The following FKTN variants were observed in gnomAD, a reference collection of about 807,000 sequenced individuals.
FKTN encodes ribitol-5-phosphate transferase FKTN.
In FKTN, 47 loss-of-function variants were observed where a neutral mutation model predicts 58.6. The observed-to-expected ratio is 0.80, with a 90% CI of 0.63 to 1.02. The LOEUF is 1.02. Among genes scored for constraint, FKTN ranks in the 50% least tolerant of loss-of-function variants. The pLI is 0.00. For missense variants in FKTN, 516 were observed against 537.3 expected (o/e 0.96, Z 0.39); for synonymous variants, 178 against 191.9 (o/e 0.93, Z 0.60).
chr9:105,569,251 C>A (rs1037327584), intron 1 of FKTN, among the ~76,000 whole-genome samples: 2 of 152,018 alleles, frequency 1.3e-5, no homozygotes, highest in Non-Finnish European at 2.9e-5. Context: ...AACAAACCTG[C>A]ATGTTGTGCA....
chr9:105,606,345 A>G (rs1828886383), intron 6 of FKTN, among the ~76,000 whole-genome samples: 1 of 152,044 alleles, frequency 6.6e-6, no homozygotes, highest in Admixed American at 6.6e-5. Flanking sequence ...TAATAAAAAT[A>G]TTTCTTGTGA....
At chr9:105,616,651 A>G (rs1179371602) in intron 8 of FKTN, among the ~76,000 whole-genome samples, 1 of 152,126 alleles carries the variant, frequency 6.6e-6, no homozygotes, top group Non-Finnish European at 1.5e-5. Flanking sequence ...CTTTTTCTTT[A>G]TAGTAACCAT....
intron 10 of FKTN, among the ~76,000 whole-genome samples, chr9:105,622,636 G>A (rs1424788124): frequency 6.6e-6 from 1 of 151,982 alleles, no homozygotes; most frequent in Non-Finnish European, 1.5e-5. Flanking sequence ...GCTTTTGACT[G>A]TTAATGGCAA....
At chr9:105,572,272 G>T (rs958232836) in intron 1 of FKTN, among the ~76,000 whole-genome samples, 19 of 151,102 alleles carry the variant, frequency 1.3e-4, no homozygotes, top group African/African-American at 4.4e-4. Context: ...GCTTTATATA[G>T]TCATCAGCTC....
chr9:105,561,702 T>G (rs998297618), intron 1 of FKTN, among the ~76,000 whole-genome samples: 2 of 152,210 alleles, frequency 1.3e-5, no homozygotes, highest in Admixed American at 1.3e-4. Flanking sequence ...TAGGTAGAAG[T>G]TATATTGCAA....
At chr9:105,608,363 A>T (rs934231787) in intron 7 of FKTN, among the ~76,000 whole-genome samples, 3 of 151,934 alleles carry the variant, frequency 2.0e-5, no homozygotes, top group Non-Finnish European at 4.4e-5. Flanking sequence ...ATTGAATATA[A>T]TTTTTTTTGC....
Position 105,598,284 on chromosome 9 carries a change from A to G in FKTN, c.165+1627A>G, listed in dbSNP as rs116732996. Reference sequence around the variant, plus strand: ...TGCAAAATCACAGGAAAGGAGAAGTACTAACATACTTCTAAACTTTTAGAA... The same window carrying G: ...TGCAAAATCACAGGAAAGGAGAAGTGCTAACATACTTCTAAACTTTTAGAA... On this transcript the variant is annotated intron_variant, in intron 4 of 10. Transcript: ENST00000357998. 1,063 of 331,044 alleles carry G rather than the reference A, an allele frequency of 3.2e-3. 14 individuals are homozygous for G. The highest frequency in any genetic ancestry group is 0.021 in the African/African-American group (976 of 45,402). The allele number at this position is 331,044 out of a possible 1,614,324, so 20.5% of individuals were successfully genotyped here.
chr9:105,590,749 G>C (rs770178141), intron 3 of FKTN, among the ~76,000 whole-genome samples: 2 of 152,168 alleles, frequency 1.3e-5, no homozygotes, highest in African/African-American at 2.4e-5. Flanking sequence ...AAGGTGCTAT[G>C]TTAATCTGTT....
intron 5 of FKTN, among the ~76,000 whole-genome samples, chr9:105,602,931 C>A (rs966910529): frequency 6.6e-6 from 1 of 152,138 alleles, no homozygotes; most frequent in African/African-American, 2.4e-5. Flanking sequence ...ATTGTTAGAT[C>A]TAATAATGAA....
chr9:105,599,089 T>C (rs987505436), intron 4 of FKTN, among the ~76,000 whole-genome samples: 2 of 152,170 alleles, frequency 1.3e-5, no homozygotes, highest in Non-Finnish European at 2.9e-5. Context: ...ATCAAAGATA[T>C]ATGAAGAACT....
Position 105,577,692 on chromosome 9 carries a change from C to T in FKTN, c.105+2555C>T, listed in dbSNP as rs1389487474. ...CCTATGAACTTTAAAGTAGTTTTTT[C>T]GAATTCTGTGAAGAAAGTCATTGGT... On this transcript the variant is annotated intron_variant, in intron 3 of 10. Transcript: ENST00000357998. Among the ~76,000 whole-genome samples the T allele has an allele frequency of 4.6e-5, 7 of 151,188 alleles. 1 individual carries two copies. The highest frequency in any genetic ancestry group is 2.1e-4 in the South Asian group (1 of 4,808).
chr9:105,565,950 T>C (rs1376384245), intron 1 of FKTN, among the ~76,000 whole-genome samples: 2 of 151,802 alleles, frequency 1.3e-5, no homozygotes, highest in Non-Finnish European at 2.9e-5. Context: ...ACAAACTGTC[T>C]CTCAGACCAC....
intron 4 of FKTN, among the ~76,000 whole-genome samples, chr9:105,596,956 C>T (rs1826920048): frequency 6.6e-6 from 1 of 152,154 alleles, no homozygotes; most frequent in South Asian, 2.1e-4. Flanking sequence ...CTAAAACCCA[C>T]ATTCACTGAG....
chr9:105,624,442 A>G (rs1448653053), intron 10 of FKTN: 1 of 152,002 alleles, frequency 6.6e-6, no homozygotes, highest in Non-Finnish European at 1.5e-5. Context: ...AGCTTGGGCA[A>G]CAGAATAAAC....
intron 1 of FKTN, among the ~76,000 whole-genome samples, chr9:105,569,058 A>G (rs1380042405): frequency 1.3e-5 from 2 of 152,174 alleles, no homozygotes; most frequent in Non-Finnish European, 1.5e-5. Context: ...CAAACATCGC[A>G]TGTTCTCACT....
chr9:105,604,549 T>C (rs1828519856), intron 6 of FKTN, 57 bp downstream of exon 6: 1 of 1,391,464 alleles, frequency 7.2e-7, no homozygotes, highest in Non-Finnish European at 1.0e-6. Context: ...TCATAATTCT[T>C]GCAGTGTTTT....
chr9:105,572,919 G>A (rs781589292), intron 1 of FKTN, among the ~76,000 whole-genome samples: 10 of 152,136 alleles, frequency 6.6e-5, no homozygotes, highest in East Asian at 5.8e-4. Flanking sequence ...TAGTTAAGGC[G>A]TAAATTATAT....
intron 9 of FKTN, among the ~76,000 whole-genome samples, chr9:105,618,693 G>A (rs986675957): frequency 1.3e-5 from 2 of 152,182 alleles, no homozygotes; most frequent in African/African-American, 4.8e-5. Flanking sequence ...TGATTCCTAT[G>A]CCCTAAGCCC....
chr9:105,611,838 T>G (rs1476688594), intron 7 of FKTN, among the ~76,000 whole-genome samples: 4 of 152,152 alleles, frequency 2.6e-5, no homozygotes, highest in African/African-American at 9.7e-5. Flanking sequence ...AGAGAATGAA[T>G]GATTTATATT....
Sources: gnomAD v4.1 joint callset for allele counts (sites outside exome capture counted in the v4.1 genomes callset) on GRCh38, gnomAD v4.1.1 for gene constraint, MANE v1.5 for transcripts, NCBI Gene and HGNC (gene_info 2026-07-23, HGNC 2026-07-21) for gene names.